The following NECAB1 variants were observed in gnomAD, a reference collection of about 807,000 sequenced individuals.
NECAB1 encodes the protein N-terminal EF-hand calcium binding protein 1.
Under a neutral mutation model 57.5 loss-of-function variants are expected in NECAB1, and 29 were observed. That is an observed-to-expected ratio of 0.50 (90% CI 0.38 to 0.69). The LOEUF (loss-of-function observed/expected upper bound fraction) is 0.69, where lower values mean the gene tolerates loss of function less well. NECAB1 is among the 30% of genes least tolerant of loss of function. The pLI is 0.00. For missense variants in NECAB1, 372 were observed against 413.8 expected, an observed-to-expected ratio of 0.90 and a Z score of 0.88; for synonymous variants, 142 against 147.7, an observed-to-expected ratio of 0.96 and a Z score of 0.28.
chr8:90,832,573 A>T (rs901112887), intron 3 of NECAB1, among the ~76,000 whole-genome samples: 1 of 152,178 alleles, frequency 6.6e-6, no homozygotes, highest in Non-Finnish European at 1.5e-5. Context: ...ATTTCTAAAA[A>T]TATTTAATTT....
At position 90,806,162 on chromosome 8, in the gene NECAB1, A is replaced by G. The variant is rs570138410; in HGVS notation, c.124+4447A>G. Among the ~76,000 whole-genome samples the G allele has an allele frequency of 8.5e-5, 13 of 152,330 alleles. No individual in the cohort carries two copies. In the South Asian group the frequency reaches 2.7e-3, roughly 32 times the overall value. ...TGATTTGCACTTGCTAAGGTCTGCT[A>G]TCATTCTTGATCAGTAAGTAGGAAG... On this transcript the variant is annotated intron_variant, in intron 2 of 12. Transcript: ENST00000417640.
chr8:90,863,764 A>T (rs1202600465), intron 3 of NECAB1, among the ~76,000 whole-genome samples: 1 of 152,042 alleles, frequency 6.6e-6, no homozygotes, highest in Admixed American at 6.6e-5. Context: ...GATTTTCTAA[A>T]TTCCAGTTAT....
intron 5 of NECAB1, among the ~76,000 whole-genome samples, chr8:90,901,536 C>T (rs1483252435): frequency 2.0e-5 from 3 of 152,144 alleles, no homozygotes; most frequent in Non-Finnish European, 4.4e-5. Context: ...GAAAATGACA[C>T]CAGTATTCTA....
At chr8:90,890,948 G>A (rs1809149245) in intron 5 of NECAB1, among the ~76,000 whole-genome samples, 2 of 152,198 alleles carry the variant, frequency 1.3e-5, no homozygotes, top group African/African-American at 2.4e-5. Context: ...TAATAAATAG[G>A]AAAGCATCGC....
At chr8:90,917,799 G>C (rs1277199275) in intron 6 of NECAB1, among the ~76,000 whole-genome samples, 171 bp downstream of exon 6, 4 of 134,470 alleles carry the variant, frequency 3.0e-5, no homozygotes, top group African/African-American at 1.1e-4. Context: ...CCTCTAAAAA[G>C]ACCATTCTAC....
chr8:90,897,575 A>G (rs1411960403), intron 5 of NECAB1, among the ~76,000 whole-genome samples: 1 of 152,228 alleles, frequency 6.6e-6, no homozygotes, highest in Non-Finnish European at 1.5e-5. Flanking sequence ...TTTTCAGACT[A>G]TCAGATTGCA....
chr8:90,906,876 C>CACACATAT (rs375695060), intron 5 of NECAB1, among the ~76,000 whole-genome samples: 1 of 121,760 alleles, frequency 8.2e-6, no homozygotes, highest in East Asian at 2.1e-4. Flanking sequence ...ATGATATACA[C>CACACATAT]ATATATATAT....
chr8:90,939,049 CTT>C (rs1390825586), intron 9 of NECAB1, among the ~76,000 whole-genome samples: 2 of 152,150 alleles, frequency 1.3e-5, no homozygotes, highest in Non-Finnish European at 2.9e-5. Context: ...CAGCATACCT[CTT>C]GTTTTTGTTC....
intron 5 of NECAB1, among the ~76,000 whole-genome samples, chr8:90,891,693 T>C (rs1809172765): frequency 6.6e-6 from 1 of 151,946 alleles, no homozygotes; most frequent in Admixed American, 6.6e-5. Flanking sequence ...AGACTTTTTT[T>C]CTTTTTCTTT....
chr8:90,942,263 T>C (rs1810688050), intron 10 of NECAB1, among the ~76,000 whole-genome samples: 1 of 152,158 alleles, frequency 6.6e-6, no homozygotes, highest in South Asian at 2.1e-4. Context: ...AGCACAATGC[T>C]TCCCATCCAC....
intron 3 of NECAB1, among the ~76,000 whole-genome samples, chr8:90,848,521 A>G (rs1812612272): frequency 6.8e-6 from 1 of 148,136 alleles, no homozygotes; most frequent in African/African-American, 2.7e-5. Context: ...ACTACTAATA[A>G]AGAAATACCC....
At chr8:90,941,185 T>C (rs1015299396) in intron 10 of NECAB1, among the ~76,000 whole-genome samples, 1 of 152,220 alleles carries the variant, frequency 6.6e-6, no homozygotes, top group Non-Finnish European at 1.5e-5. Context: ...AGACTGAATT[T>C]CAAATAAGTT....
intron 7 of NECAB1, 139 bp from the exon 8 acceptor site, chr8:90,928,084 G>C (rs768075979): frequency 9.2e-6 from 6 of 652,174 alleles, no homozygotes; most frequent in Non-Finnish European, 1.3e-5. Flanking sequence ...GAAAGCACTC[G>C]TGAATACATT....
chr8:90,844,249 T>C (rs557120437), intron 3 of NECAB1, among the ~76,000 whole-genome samples: 1 of 152,196 alleles, frequency 6.6e-6, no homozygotes, highest in East Asian at 1.9e-4. Context: ...TCAGCAGGGG[T>C]GTCTTCATTC....
Position 90,940,878 on chromosome 8 carries a change from C to A in NECAB1, c.840C>A (p.Ser280=). Residue 280 remains serine (S), a synonymous_variant, in exon 10 of 13, where the codon TCC becomes TCA. Transcript: ENST00000417640. The part of the protein sequence containing the change: ...LALKHYVESA[S]SQSGCLRISI... ...TGAAACACTACGTGGAGAGTGCTTC[C>A]TCCCAAAGTGGATGCTTGCGGTAAG... is the stretch of plus-strand genomic sequence containing the variant. The A allele has an allele frequency of 6.4e-7, 1 of 1,559,492 alleles. No individual in the cohort carries two copies. Among genetic ancestry groups the A allele is most frequent in the Non-Finnish European group, 8.7e-7 (1 of 1,151,268 alleles).
chr8:90,867,472 G>A (rs767068576), intron 3 of NECAB1, among the ~76,000 whole-genome samples: 8 of 152,236 alleles, frequency 5.3e-5, no homozygotes, highest in Non-Finnish European at 7.4e-5. Context: ...AAATTTCTAA[G>A]CTATCTAATC....
intron 5 of NECAB1, among the ~76,000 whole-genome samples, chr8:90,915,931 C>A (rs1809940887): frequency 6.6e-6 from 1 of 152,230 alleles, no homozygotes; most frequent in Non-Finnish European, 1.5e-5. Context: ...GCTCTTCCAT[C>A]TTCTCCTGCC....
At position 90,953,154 on chromosome 8, in the gene NECAB1, G is replaced by A. The variant is rs188889822; in HGVS notation, c.1030+1950G>A. 9.9e-4 allele frequency among the ~76,000 whole-genome samples: 150 copies of A among 152,252 alleles called. 1 individual carries two copies. The highest frequency in any genetic ancestry group is 3.6e-3 in the African/African-American group (149 of 41,560). On this transcript the variant is annotated intron_variant, in intron 12 of 12. Coordinates refer to ENST00000417640, the MANE Select transcript of NECAB1 (RefSeq NM_022351.5). ...AAGCTTGTTCTTATTAGTGTCTTGA[G>A]TCTTTCCAGGACAGAAACAACCTGA...
chr8:90,915,571 T>C (rs1415746518), intron 5 of NECAB1, among the ~76,000 whole-genome samples: 1 of 152,186 alleles, frequency 6.6e-6, no homozygotes, highest in Non-Finnish European at 1.5e-5. Flanking sequence ...GTAGATGTAT[T>C]GGTCAGGGTT....
Sources: allele counts gnomAD v4.1 joint callset (sites outside exome capture counted in the v4.1 genomes callset), GRCh38; gene constraint gnomAD v4.1.1; transcripts MANE v1.5; gene names NCBI Gene and HGNC (gene_info 2026-07-23, HGNC 2026-07-21).